GPR108: variants seen among roughly 807,000 people sequenced by gnomAD.
The protein encoded by GPR108 is protein GPR108.
GPR108 carries 60 observed loss-of-function variants against 74.3 expected under a neutral mutation model. The ratio of observed to expected loss-of-function variants is 0.81; its 90% CI spans 0.66 to 1.00. The LOEUF (loss-of-function observed/expected upper bound fraction) is 1.00. Among genes scored for constraint, GPR108 ranks in the 50% least tolerant of loss-of-function variants. GPR108 has a pLI of 0.00. For synonymous variants in GPR108, 311 were observed against 292.4 expected (o/e 1.06, Z -0.65); for missense variants, 667 against 703.3 (o/e 0.95, Z 0.58).
rs774081751 is a variant in GPR108, at chr19:6,734,325, T to C, written c.375-18A>G. The C allele has an allele frequency of 8.3e-5, 134 of 1,607,488 alleles. No homozygotes were observed. The Middle Eastern group carries it at 5.9e-3, about 71-fold the overall frequency. ...CCTGGACCCTGGGGTGAGGGTGGGGTGGGGCATGAGGCTGGGGGGCTGAAC... is the reference window on the plus strand; with the variant it reads ...CCTGGACCCTGGGGTGAGGGTGGGGCGGGGCATGAGGCTGGGGGGCTGAAC... On this transcript the variant is annotated intron_variant, in intron 4 of 17. Transcript: ENST00000264080.
At chr19:6,730,571 A>G (rs1321223785) in intron 17 of GPR108, 187 bp from the exon 18 acceptor site, 3 of 563,442 alleles carry the variant, frequency 5.3e-6, no homozygotes, top group East Asian at 3.0e-5. Context: ...CTACCCTTCT[A>G]CTCCAACCAC....
intron 10 of GPR108, 54 bp from the exon 11 acceptor site, chr19:6,732,603 A>ACGG: frequency 7.2e-7 from 1 of 1,382,060 alleles, no homozygotes; most frequent in Non-Finnish European, 1.0e-6. Flanking sequence ...TGGGAGGCTG[A>ACGG]TGGTGGTGGT....
chr19:6,733,434 C>G (rs990119923), intron 8 of GPR108, 133 bp from the exon 9 acceptor site: 29 of 1,286,494 alleles, frequency 2.3e-5, no homozygotes, highest in Non-Finnish European at 2.9e-5. Context: ...CAGTTGGCCC[C>G]GTCTCTCAAA....
At chr19:6,730,637 GC>G (rs1389865681) in intron 17 of GPR108, 4 of 568,886 alleles carry the variant, frequency 7.0e-6, no homozygotes, top group African/African-American at 1.9e-5. Flanking sequence ...AACCACTCAG[GC>G]CCCGCCCACC....
At position 6,732,394 on chromosome 19, in the gene GPR108, G is replaced by A. The variant is rs368486352; in HGVS notation, c.1008-14C>T. 9.1e-5 allele frequency: 147 copies of A among 1,613,258 alleles called. No individual in the cohort carries two copies. Among genetic ancestry groups the A allele is most frequent in the Non-Finnish European group, 1.1e-4 (135 of 1,179,782 alleles). On this transcript the variant is annotated splice_polypyrimidine_tract_variant and intron_variant, in intron 11 of 17. Coordinates refer to ENST00000264080, the MANE Select transcript of GPR108 (RefSeq NM_001080452.2). ...GCGCCCTTCAGCCTGAAGGAGCAGG[G>A]GAGGGCGTGATGATGAGGTGGGGGG... is the stretch of plus-strand genomic sequence containing the variant.
intron 14 of GPR108, 50 bp from the exon 15 acceptor site, chr19:6,731,572 G>A: frequency 2.4e-6 from 2 of 828,898 alleles, no homozygotes; most frequent in South Asian, 1.8e-5. Flanking sequence ...GGGTGGGAGG[G>A]AGGGGAGGGG....
chr19:6,732,462 T>G lies in GPR108; in HGVS notation c.1007+14A>C, dbSNP rs1458953747. ...GCCTCCCCCCAGCTGCCCAGCAGAGTGGGGGACACTCACAGGTGTGCGATG... is the reference window on the plus strand; with the variant it reads ...GCCTCCCCCCAGCTGCCCAGCAGAGGGGGGGACACTCACAGGTGTGCGATG... On this transcript the variant is annotated intron_variant, in intron 11 of 17. Coordinates refer to ENST00000264080, the MANE Select transcript of GPR108 (RefSeq NM_001080452.2). The G allele has an allele frequency of 6.2e-7, 1 of 1,611,822 alleles. No individual in the cohort carries two copies. Among genetic ancestry groups the G allele is most frequent in the African/African-American group, 1.3e-5 (1 of 74,508 alleles).
At chr19:6,733,139 T>TG in intron 9 of GPR108, 29 bp downstream of exon 9, 1 of 1,613,118 alleles carries the variant, frequency 6.2e-7, no homozygotes. Flanking sequence ...TGAAGGGACG[T>TG]GGGGGACCCT....
chr19:6,730,051 G>T lies in GPR108; in HGVS notation c.*261C>A. 1 of 503,744 alleles carries T rather than the reference G, an allele frequency of 2.0e-6. No homozygotes were observed. Among genetic ancestry groups the T allele is most frequent in the East Asian group, 3.4e-5 (1 of 29,070 alleles). The allele number at this position is 503,744 out of a possible 1,614,324, so 31.2% of individuals were successfully genotyped here. A position where few individuals can be genotyped will look rare whatever the true frequency, so the allele number is the denominator to read the frequency against. On this transcript the variant is annotated 3_prime_UTR_variant, in exon 18 of 18. Coordinates refer to ENST00000264080, the MANE Select transcript of GPR108 (RefSeq NM_001080452.2). ...CCAACCCCCAAAAAGGCAAGACAACGGCGTAGCCAAACAGATTGGTCATTA... is the reference window on the plus strand; with the variant it reads ...CCAACCCCCAAAAAGGCAAGACAACTGCGTAGCCAAACAGATTGGTCATTA...
chr19:6,732,247 G>A lies in GPR108; in HGVS notation c.1125+16C>T. 1 of 1,611,680 alleles carries A rather than the reference G, an allele frequency of 6.2e-7. No individual in the cohort carries two copies. Among genetic ancestry groups the A allele is most frequent in the East Asian group, 2.2e-5 (1 of 44,882 alleles). On this transcript the variant is annotated intron_variant, in intron 12 of 17. Transcript: ENST00000264080. ...CAGCCCTCCCCGCCCTGCTCCGGAG[G>A]CTGCTCCATCCGCACCTGCATGGGG... is the stretch of plus-strand genomic sequence containing the variant.
chr19:6,732,820 C>T, intron 10 of GPR108, 167 bp downstream of exon 10: 1 of 668,762 alleles, frequency 1.5e-6, no homozygotes, highest in Non-Finnish European at 2.6e-6. Context: ...CCCCGCAGGA[C>T]TGGTGGACAG....
intron 1 of GPR108, chr19:6,737,015 C>G: frequency 2.3e-6 from 1 of 427,724 alleles, no homozygotes; most frequent in South Asian, 2.8e-5. Flanking sequence ...CTTCACCTTC[C>G]CGAAGAACTT....
At chr19:6,730,907 C>A (rs1266796014) in intron 17 of GPR108, 80 bp downstream of exon 17, 3 of 1,043,506 alleles carry the variant, frequency 2.9e-6, no homozygotes, top group Admixed American at 2.0e-5. Context: ...TCCCTCCCCC[C>A]TGCCCACCCT....
At position 6,732,235 on chromosome 19, in the gene GPR108, CCTGCTCCGGAGG is replaced by C. The variant is rs1419208702; in HGVS notation, c.1125+16_1125+27del. 1 of 1,611,614 alleles carries C rather than the reference CCTGCTCCGGAGG, an allele frequency of 6.2e-7. No homozygotes were observed. The highest frequency in any genetic ancestry group is 2.2e-5 in the East Asian group (1 of 44,894). The stretch of plus-strand genomic sequence containing the variant: ...CACTGCCCTGTGCAGCCCTCCCCGC[CCTGCTCCGGAGG>C]CTGCTCCATCCGCACCTGCATGGGG... On this transcript the variant is annotated intron_variant, in intron 12 of 17. Transcript: ENST00000264080.
chr19:6,736,043 C>T, intron 2 of GPR108, 85 bp from the exon 3 acceptor site: 1 of 1,236,508 alleles, frequency 8.1e-7, no homozygotes, highest in Non-Finnish European at 1.1e-6. Flanking sequence ...AGAAACCTAA[C>T]CTCACATTTA....
chr19:6,732,467 GACACTC>G lies in GPR108; in HGVS notation c.1007+3_1007+8del. ...CCCCCAGCTGCCCAGCAGAGTGGGGGACACTCACAGGTGTGCGATGTAGTACATGAC... is the reference window on the plus strand; with the variant it reads ...CCCCCAGCTGCCCAGCAGAGTGGGGGACAGGTGTGCGATGTAGTACATGAC... On this transcript the variant is annotated splice_donor_5th_base_variant and intron_variant, in intron 11 of 17. Transcript: ENST00000264080. 1.2e-6 allele frequency: 2 copies of G among 1,613,598 alleles called. No individual in the cohort carries two copies. Among genetic ancestry groups the G allele is most frequent in the Non-Finnish European group, 8.5e-7 (1 of 1,179,742 alleles).
At position 6,736,902 on chromosome 19, in the gene GPR108, T is replaced by G. The variant is rs576914040; in HGVS notation, c.121-191A>C. On this transcript the variant is annotated intron_variant, in intron 1 of 17. Transcript: ENST00000264080. Reference sequence around the variant, plus strand: ...AAGGGTGGTCCTGCATTCTCCGACCTCTGTTCTGAGAACCCAGGAACAGAG... The same window carrying G: ...AAGGGTGGTCCTGCATTCTCCGACCGCTGTTCTGAGAACCCAGGAACAGAG... 6.0e-4 allele frequency: 439 copies of G among 727,906 alleles called. 3 individuals carry two copies. In the African/African-American group the frequency reaches 7.3e-3, roughly 12 times the overall value. 45.1% of individuals were successfully genotyped at this position (727,906 alleles called of 1,614,324 possible). A position where few individuals can be genotyped will look rare whatever the true frequency, so the allele number is the denominator to read the frequency against.
intron 17 of GPR108, among the ~76,000 whole-genome samples, 153 bp downstream of exon 17, chr19:6,730,834 T>C: frequency 7.0e-6 from 1 of 142,768 alleles, no homozygotes; most frequent in Non-Finnish European, 1.5e-5. Context: ...CTGCCCCCCA[T>C]CTCCCCTCCA....
chr19:6,734,445 G>A (rs1968549784), intron 4 of GPR108, 138 bp from the exon 5 acceptor site: 3 of 810,548 alleles, frequency 3.7e-6, no homozygotes, highest in Non-Finnish European at 1.9e-6. Flanking sequence ...TTATCACTGA[G>A]TTTCAGCCTT....
Sources: gnomAD v4.1 joint callset for allele counts (sites outside exome capture counted in the v4.1 genomes callset) on GRCh38, gnomAD v4.1.1 for gene constraint, MANE v1.5 for transcripts, NCBI Gene and HGNC (gene_info 2026-07-23, HGNC 2026-07-21) for gene names.